Variants in RPTOR observed in about 807,000 individuals in gnomAD.
RPTOR encodes the protein regulatory-associated protein of mTOR.
In RPTOR, 21 loss-of-function variants were observed where a neutral mutation model predicts 169.9. The observed-to-expected ratio is 0.12, with a 90% CI of 0.09 to 0.18. The LOEUF (loss-of-function observed/expected upper bound fraction) is 0.18. Among genes scored for constraint, RPTOR ranks in the 10% least tolerant of loss-of-function variants. The probability of loss-of-function intolerance (pLI) is 1.00; values close to 1 mark genes in which losing one functional copy is unlikely to be tolerated. For synonymous variants in RPTOR, 732 were observed against 753.2 expected, an observed-to-expected ratio of 0.97 and a Z score of 0.46; for missense variants, 1,133 against 1,855.9, an observed-to-expected ratio of 0.61 and a Z score of 7.16.
chr17:80,864,163 A>T (rs1205077859), intron 13 of RPTOR, among the ~76,000 whole-genome samples: 3 of 152,276 alleles, frequency 2.0e-5, no homozygotes, highest in Non-Finnish European at 2.9e-5. Context: ...AACCCCAAGC[A>T]CAAGAAAACT....
At chr17:80,776,277 A>C (rs2066890989) in intron 6 of RPTOR, among the ~76,000 whole-genome samples, 1 of 151,508 alleles carries the variant, frequency 6.6e-6, no homozygotes, top group African/African-American at 2.4e-5. Flanking sequence ...GAATAAGATC[A>C]GTAGGTCAAA....
chr17:80,884,065 C>A, intron 16 of RPTOR, 93 bp downstream of exon 16: 1 of 1,305,982 alleles, frequency 7.7e-7, no homozygotes. Context: ...TGGCCGGCCA[C>A]GTGTCCAGGA....
At chr17:80,838,082 G>GCTT in intron 10 of RPTOR, 85 bp downstream of exon 10, 4 of 1,161,532 alleles carry the variant, frequency 3.4e-6, no homozygotes, top group Non-Finnish European at 3.7e-6. Context: ...CAGACTGGGG[G>GCTT]TGGTGCCCAG....
chr17:80,702,442 G>A (rs2066109136), intron 3 of RPTOR, among the ~76,000 whole-genome samples: 1 of 152,182 alleles, frequency 6.6e-6, no homozygotes, highest in African/African-American at 2.4e-5. Flanking sequence ...TCCCCCGGAT[G>A]ATCAGATGCT....
intron 20 of RPTOR, among the ~76,000 whole-genome samples, chr17:80,898,499 T>A (rs1311708024): frequency 6.6e-6 from 1 of 152,210 alleles, no homozygotes; most frequent in Non-Finnish European, 1.5e-5. Flanking sequence ...TTATTTTGTT[T>A]CCTTTCTACT....
intron 10 of RPTOR, among the ~76,000 whole-genome samples, chr17:80,841,198 CGG>C (rs2067646313): frequency 1.7e-5 from 2 of 119,920 alleles, no homozygotes; most frequent in Non-Finnish European, 3.3e-5. Flanking sequence ...ACTCACCGCA[CGG>C]CAGCTCACTC....
At chr17:80,765,482 G>A (rs917653983) in intron 6 of RPTOR, among the ~76,000 whole-genome samples, 8 of 152,250 alleles carry the variant, frequency 5.3e-5, no homozygotes, top group African/African-American at 1.7e-4. Flanking sequence ...AGCATTTGTC[G>A]AGCGTCACTG....
In RPTOR at chr17:80,625,674, T is replaced by C. The variant is rs749608290; in HGVS notation, c.163-17T>C. 5.9e-6 allele frequency: 9 copies of C among 1,530,380 alleles called. No homozygotes were observed. The highest frequency in any genetic ancestry group is 1.8e-4 in the Middle Eastern group (1 of 5,458). The allele number at this position is 1,530,380 out of a possible 1,614,324, so 94.8% of individuals were successfully genotyped here. ...CATATTGAAATATTTATTTATTTTT[T>C]TCTGTTGTGTTTTCAGATGAAGACA... is the stretch of plus-strand genomic sequence containing the variant. On this transcript the variant is annotated splice_polypyrimidine_tract_variant and intron_variant, in intron 1 of 33. Coordinates refer to ENST00000306801, the MANE Select transcript of RPTOR (RefSeq NM_020761.3).
intron 24 of RPTOR, among the ~76,000 whole-genome samples, chr17:80,939,397 A>G (rs2068995888): frequency 6.6e-6 from 1 of 152,388 alleles, no homozygotes; most frequent in South Asian, 2.1e-4. Context: ...ACACGCATGC[A>G]CGCAAAGGCC....
chr17:80,816,751 C>A (rs2067327554), intron 7 of RPTOR, among the ~76,000 whole-genome samples: 1 of 152,168 alleles, frequency 6.6e-6, no homozygotes, highest in African/African-American at 2.4e-5. Flanking sequence ...CCAGCTTTCG[C>A]ATGGCAGGTA....
At chr17:80,550,090 A>G (rs1489376552) in intron 1 of RPTOR, among the ~76,000 whole-genome samples, 1 of 152,186 alleles carries the variant, frequency 6.6e-6, no homozygotes, top group Non-Finnish European at 1.5e-5. Flanking sequence ...CAGCAAGGGT[A>G]ATAGCAATCC....
chr17:80,904,752 G>C (rs1196482526), intron 20 of RPTOR, among the ~76,000 whole-genome samples: 1 of 152,140 alleles, frequency 6.6e-6, no homozygotes, highest in African/African-American at 2.4e-5. Flanking sequence ...GGGACTGGCA[G>C]ATTTTACAAC....
chr17:80,896,445 TG>T (rs2068403446), intron 20 of RPTOR, among the ~76,000 whole-genome samples: 2 of 68,592 alleles, frequency 2.9e-5, no homozygotes, highest in Admixed American at 1.4e-4. Context: ...CCCACGGCCA[TG>T]CCGACACCCC....
chr17:80,940,392 G>A (rs542093006), intron 24 of RPTOR, 104 bp from the exon 25 acceptor site: 62 of 849,092 alleles, frequency 7.3e-5, no homozygotes, highest in African/African-American at 7.3e-4. Flanking sequence ...ACTGAGCCGC[G>A]CAGGTTTTGC....
chr17:80,947,183 G>A lies in RPTOR; in HGVS notation c.3141-44G>A. On this transcript the variant is annotated intron_variant, in intron 26 of 33. Transcript: ENST00000306801. This position sits in a 1 kb window ranked among gnomAD's most constrained non-coding sequence, Gnocchi z 4.4. ...AGGTATCTCACTGTCATTTGGGTTT[G>A]CAGTTTCCTAATGACTTTTTTATTC... 6.6e-7 allele frequency: 1 copy of A among 1,520,330 alleles called. No homozygotes were observed. Among genetic ancestry groups the A allele is most frequent in the Non-Finnish European group, 8.8e-7 (1 of 1,136,184 alleles). 94.2% of individuals were successfully genotyped at this position (1,520,330 alleles called of 1,614,324 possible). A position where few individuals can be genotyped will look rare whatever the true frequency, so the allele number is the denominator to read the frequency against.
chr17:80,565,691 G>GCT (rs1340654239), intron 1 of RPTOR, among the ~76,000 whole-genome samples: 7 of 134,216 alleles, frequency 5.2e-5, no homozygotes, highest in African/African-American at 8.1e-5. Flanking sequence ...GGGAGGCATG[G>GCT]GTGTGGGAGC....
intron 5 of RPTOR, among the ~76,000 whole-genome samples, chr17:80,737,590 C>T (rs2066444318): frequency 6.6e-6 from 1 of 152,188 alleles, no homozygotes; most frequent in Non-Finnish European, 1.5e-5. Flanking sequence ...CCTTCCACTT[C>T]CCTTCTCTGC....
intron 6 of RPTOR, among the ~76,000 whole-genome samples, chr17:80,784,046 A>T (rs2066967125): frequency 6.6e-6 from 1 of 152,158 alleles, no homozygotes; most frequent in Non-Finnish European, 1.5e-5. Context: ...GCACGATCAT[A>T]GCTCACTGCA....
chr17:80,611,328 C>T (rs2065269328), intron 1 of RPTOR, among the ~76,000 whole-genome samples: 1 of 152,116 alleles, frequency 6.6e-6, no homozygotes, highest in Non-Finnish European at 1.5e-5. Context: ...GTGATGCGAT[C>T]TTTGCTCACC....
Sources: allele counts gnomAD v4.1 joint callset (sites outside exome capture counted in the v4.1 genomes callset), GRCh38; gene constraint gnomAD v4.1.1; non-coding constraint Gnocchi (gnomAD v3.1); transcripts MANE v1.5; gene names NCBI Gene and HGNC (gene_info 2026-07-23, HGNC 2026-07-21).